The following TCF7L2 variants were observed in gnomAD, a reference collection of about 807,000 sequenced individuals.
TCF7L2 encodes the protein transcription factor 7-like 2.
In TCF7L2, 23 loss-of-function variants were observed where a neutral mutation model predicts 77.9. That is an observed-to-expected ratio of 0.30 (90% CI 0.21 to 0.42). The LOEUF is 0.42. Among genes scored for constraint, TCF7L2 ranks in the 10% least tolerant of loss-of-function variants. The pLI is 1.00. For synonymous variants in TCF7L2, 413 were observed against 340.2 expected (o/e 1.21, Z -2.36); for missense variants, 654 against 793.1 (o/e 0.82, Z 2.11).
intron 4 of TCF7L2, among the ~76,000 whole-genome samples, chr10:112,966,091 C>G (rs993144939): frequency 6.6e-6 from 1 of 150,854 alleles, no homozygotes; most frequent in Non-Finnish European, 1.5e-5. Context: ...AGGAGAATCA[C>G]TTGAACCCGG....
intron 4 of TCF7L2, among the ~76,000 whole-genome samples, chr10:112,992,553 C>T (rs762508125): frequency 3.0e-4 from 45 of 152,086 alleles, no homozygotes; most frequent in Non-Finnish European, 6.6e-4. Flanking sequence ...CCGGAGGCTG[C>T]AGGGTGCTAA....
At chr10:113,019,151 G>A (rs541965414) in intron 4 of TCF7L2, among the ~76,000 whole-genome samples, 3 of 152,218 alleles carry the variant, frequency 2.0e-5, no homozygotes, top group East Asian at 1.9e-4. Flanking sequence ...AAGTCCTCAC[G>A]GACAGGAATG....
chr10:112,950,452 T>TG lies in TCF7L2; in HGVS notation c.-305_-304insG, dbSNP rs1297266778. On this transcript the variant is annotated 5_prime_UTR_variant, in exon 1 of 14. Coordinates refer to ENST00000627217, the MANE Select transcript of TCF7L2 (RefSeq NM_001146274.2). ...CTGACTTCTTGTTGTTGTTGGTGTT[T>TG]TTTTTTTTTTTACCCCCCTTTTTTA... The TG allele has an allele frequency of 7.5e-5, 20 of 267,470 alleles. No homozygotes were observed. The highest frequency in any genetic ancestry group is 1.6e-4 in the Admixed American group (3 of 18,238). 16.6% of individuals were successfully genotyped at this position (267,470 alleles called of 1,614,324 possible).
chr10:112,964,820 G>GTGAT (rs1367706604), intron 4 of TCF7L2, among the ~76,000 whole-genome samples, 196 bp downstream of exon 4: 3 of 144,962 alleles, frequency 2.1e-5, no homozygotes, highest in African/African-American at 7.7e-5. Flanking sequence ...GGTGGGGGGG[G>GTGAT]GTTGAATCAC....
chr10:112,996,497 A>ACCTGGTGAGAGGTTGC (rs1182369267), intron 4 of TCF7L2, among the ~76,000 whole-genome samples: 1 of 152,230 alleles, frequency 6.6e-6, no homozygotes, highest in Non-Finnish European at 1.5e-5. Flanking sequence ...TGCACTCTCA[A>ACCTGGTGAGAGGTTGC]ACCAGGGCCC....
chr10:113,146,951 C>G (rs1245070699), intron 8 of TCF7L2, among the ~76,000 whole-genome samples: 1 of 152,010 alleles, frequency 6.6e-6, no homozygotes, highest in Non-Finnish European at 1.5e-5. Context: ...ATTTATATTT[C>G]AGCGTAGAAA....
At chr10:113,051,788 G>GA (rs2054519889) in intron 5 of TCF7L2, among the ~76,000 whole-genome samples, 1 of 152,150 alleles carries the variant, frequency 6.6e-6, no homozygotes, top group African/African-American at 2.4e-5. Context: ...TGGTATCTCA[G>GA]AGTTTTCTTT....
intron 5 of TCF7L2, among the ~76,000 whole-genome samples, chr10:113,090,987 C>T (rs957753271): frequency 1.3e-5 from 2 of 152,104 alleles, no homozygotes; most frequent in African/African-American, 2.4e-5. Context: ...CTGTGACCTC[C>T]GCCTGCCAGC....
At chr10:113,036,124 T>C (rs751092556) in intron 4 of TCF7L2, among the ~76,000 whole-genome samples, 4 of 58,582 alleles carry the variant, frequency 6.8e-5, no homozygotes, top group South Asian at 4.8e-4. Context: ...ACCATCATCA[T>C]CATCATCATC....
chr10:112,954,820 C>A (rs1002675611), intron 3 of TCF7L2, among the ~76,000 whole-genome samples: 7 of 152,116 alleles, frequency 4.6e-5, no homozygotes, highest in Non-Finnish European at 1.0e-4. Flanking sequence ...CTTCTCTTAT[C>A]CAAAGTTATT....
chr10:112,992,794 C>T (rs536612396), intron 4 of TCF7L2, among the ~76,000 whole-genome samples: 1 of 151,380 alleles, frequency 6.6e-6, no homozygotes, highest in Admixed American at 6.6e-5. Context: ...GACGGAGTCT[C>T]ACTCTGTCAC....
intron 5 of TCF7L2, among the ~76,000 whole-genome samples, chr10:113,101,195 C>T (rs546741595): frequency 6.6e-6 from 1 of 152,200 alleles, no homozygotes; most frequent in Non-Finnish European, 1.5e-5. Flanking sequence ...GTTATTCCCT[C>T]TTTCAGATTT....
chr10:113,040,235 C>T (rs2052195234), intron 5 of TCF7L2, 109 bp downstream of exon 5: 4 of 925,456 alleles, frequency 4.3e-6, no homozygotes, highest in Admixed American at 5.6e-5. Flanking sequence ...TCTTTAAACA[C>T]ATTTTCTTTG....
chr10:113,018,794 C>G (rs143866420), intron 4 of TCF7L2, among the ~76,000 whole-genome samples: 1 of 152,170 alleles, frequency 6.6e-6, no homozygotes, highest in Non-Finnish European at 1.5e-5. Flanking sequence ...TTGTTTGTGC[C>G]TGCTTTGGGG....
chr10:113,043,935 G>C (rs1190274157), intron 5 of TCF7L2, among the ~76,000 whole-genome samples: 1 of 151,848 alleles, frequency 6.6e-6, no homozygotes, highest in Non-Finnish European at 1.5e-5. Flanking sequence ...AGCCTCCTTT[G>C]TATCCAGCAA....
intron 5 of TCF7L2, among the ~76,000 whole-genome samples, chr10:113,068,208 AT>A (rs1322366313): frequency 2.0e-5 from 3 of 152,254 alleles, no homozygotes; most frequent in African/African-American, 7.2e-5. Context: ...CTAATGAAGT[AT>A]ATACCACCTT....
At chr10:113,095,962 A>G (rs1426312125) in intron 5 of TCF7L2, among the ~76,000 whole-genome samples, 1 of 152,190 alleles carries the variant, frequency 6.6e-6, no homozygotes. Context: ...GGTCACTCGT[A>G]GAGAAGATTT....
intron 4 of TCF7L2, among the ~76,000 whole-genome samples, chr10:112,995,380 C>G (rs1189564477): frequency 1.3e-5 from 2 of 152,152 alleles, no homozygotes; most frequent in Non-Finnish European, 2.9e-5. Flanking sequence ...GAGTTCGTTG[C>G]TTGGTTGTTG....
At chr10:113,137,241 G>C (rs967672381) in intron 5 of TCF7L2, among the ~76,000 whole-genome samples, 2 of 152,120 alleles carry the variant, frequency 1.3e-5, no homozygotes, top group African/African-American at 4.8e-5. Flanking sequence ...TGGAATCATG[G>C]CTGTGTATCC....
Sources: allele counts gnomAD v4.1 joint callset (sites outside exome capture counted in the v4.1 genomes callset), GRCh38; gene constraint gnomAD v4.1.1; transcripts MANE v1.5; gene names NCBI Gene and HGNC (gene_info 2026-07-23, HGNC 2026-07-21).